SPATA16: variants seen among roughly 807,000 people sequenced by gnomAD.
SPATA16 encodes the protein spermatogenesis-associated protein 16.
SPATA16 carries 36 observed loss-of-function variants against 63.3 expected under a neutral mutation model. That is an observed-to-expected ratio of 0.57 (90% CI 0.44 to 0.75). The LOEUF (loss-of-function observed/expected upper bound fraction) is 0.75. Among genes scored for constraint, SPATA16 ranks in the 30% least tolerant of loss-of-function variants. The probability of loss-of-function intolerance (pLI) is 0.00; values close to 1 mark genes in which losing one functional copy is unlikely to be tolerated. For missense variants in SPATA16, 646 were observed against 679.3 expected, an observed-to-expected ratio of 0.95 and a Z score of 0.54; for synonymous variants, 203 against 216.7, an observed-to-expected ratio of 0.94 and a Z score of 0.56.
At chr3:172,977,118 C>T (rs1388562921) in intron 4 of SPATA16, 66 bp from the exon 5 acceptor site, 7 of 1,276,278 alleles carry the variant, frequency 5.5e-6, no homozygotes, top group Middle Eastern at 1.9e-4. Flanking sequence ...AAAACCATAA[C>T]AGGCACTATA....
chr3:173,086,884 C>G (rs1200626088), intron 2 of SPATA16, among the ~76,000 whole-genome samples: 1 of 152,092 alleles, frequency 6.6e-6, no homozygotes, highest in Admixed American at 6.6e-5. Flanking sequence ...TTTGATTGTG[C>G]TGTGGTCTAA....
chr3:172,956,797 C>G lies in SPATA16; in HGVS notation c.961G>C (p.Ala321Pro), dbSNP rs1733607760. ...QAMIEEAITRAESFSVMYTPF... is the reference protein window; with the variant it reads ...QAMIEEAITRPESFSVMYTPF... ...GTGTACATAACCGAGAAAGATTCAG[C>G]TCTGGTGATGGCTTCCTCAATCATG... Residue 321 changes from alanine (A) to proline (P), a missense_variant, in exon 6 of 11, where the codon GCT becomes CCT. Transcript: ENST00000351008. 1 of 1,613,148 alleles carries G rather than the reference C, an allele frequency of 6.2e-7. No individual in the cohort carries two copies.
intron 4 of SPATA16, among the ~76,000 whole-genome samples, chr3:172,978,173 A>G (rs978969871): frequency 9.2e-5 from 14 of 151,762 alleles, no homozygotes; most frequent in African/African-American, 3.4e-4. Flanking sequence ...ATATATATAT[A>G]TAAACACAGG....
At chr3:173,134,246 A>G (rs1036187887) in intron 1 of SPATA16, among the ~76,000 whole-genome samples, 1 of 152,156 alleles carries the variant, frequency 6.6e-6, no homozygotes, top group African/African-American at 2.4e-5. Context: ...GTCCCCTAAA[A>G]GTTCATGTGT....
At chr3:173,139,755 G>T (rs1037174600) in intron 1 of SPATA16, among the ~76,000 whole-genome samples, 3 of 152,196 alleles carry the variant, frequency 2.0e-5, no homozygotes, top group Non-Finnish European at 4.4e-5. Context: ...GGATACTGAG[G>T]TGGGCATATC....
At chr3:172,890,717 CAT>C (rs1560058017) in intron 10 of SPATA16, among the ~76,000 whole-genome samples, 1 of 148,254 alleles carries the variant, frequency 6.7e-6, no homozygotes, top group Non-Finnish European at 1.5e-5. Flanking sequence ...GCTTAGGTCT[CAT>C]ATCATACCAG....
intron 2 of SPATA16, among the ~76,000 whole-genome samples, chr3:173,100,522 G>A (rs931078747): frequency 3.3e-5 from 5 of 151,876 alleles, no homozygotes; most frequent in South Asian, 2.1e-4. Context: ...ACTTTTCATC[G>A]TTCTGCTTGG....
intron 9 of SPATA16, among the ~76,000 whole-genome samples, chr3:172,915,401 G>A (rs1447922815): frequency 6.6e-6 from 1 of 152,026 alleles, no homozygotes; most frequent in Non-Finnish European, 1.5e-5. Context: ...GCTCAAAGGG[G>A]GAGGGTTTCT....
chr3:173,063,440 C>T (rs567596798), intron 2 of SPATA16, among the ~76,000 whole-genome samples: 15 of 152,182 alleles, frequency 9.9e-5, no homozygotes, highest in African/African-American at 3.1e-4. Context: ...AAAAGGGGCA[C>T]GGTTCTTATC....
rs371771511 is a variant in SPATA16, at chr3:172,917,563, C to T, written c.1339-1082G>A. 2.0e-5 allele frequency among the ~76,000 whole-genome samples: 3 copies of T among 152,316 alleles called. No homozygotes were observed. In the East Asian group the frequency reaches 5.8e-4, roughly 29 times the overall value. On this transcript the variant is annotated intron_variant, in intron 8 of 10. Coordinates refer to ENST00000351008, the MANE Select transcript of SPATA16 (RefSeq NM_031955.6). ...AGCAAACTGAATATTGGGCTTCACC[C>T]AATCACAATCTCTTGTTATGTGGCC...
chr3:172,890,693 CA>C (rs1443477225), intron 10 of SPATA16, among the ~76,000 whole-genome samples: 2 of 149,594 alleles, frequency 1.3e-5, no homozygotes, highest in Non-Finnish European at 3.0e-5. Context: ...TGGTAGCACT[CA>C]TCCATATGTT....
chr3:172,942,934 T>C (rs1733190326), intron 6 of SPATA16, among the ~76,000 whole-genome samples: 1 of 152,168 alleles, frequency 6.6e-6, no homozygotes, highest in South Asian at 2.1e-4. Flanking sequence ...AAGTAAGTCA[T>C]GGCTCAAAGA....
intron 10 of SPATA16, among the ~76,000 whole-genome samples, chr3:172,895,955 C>A (rs1732000120): frequency 6.6e-6 from 1 of 151,528 alleles, no homozygotes; most frequent in African/African-American, 2.4e-5. Flanking sequence ...CCCAGGAGGG[C>A]AATTTCTAGG....
At chr3:172,898,964 A>C (rs190023508) in intron 10 of SPATA16, among the ~76,000 whole-genome samples, 1 of 151,820 alleles carries the variant, frequency 6.6e-6, no homozygotes, top group African/African-American at 2.4e-5. Context: ...TTTTTGATCC[A>C]TGAACTATCC....
chr3:173,113,581 T>A (rs2108333604), intron 2 of SPATA16, among the ~76,000 whole-genome samples: 1 of 152,316 alleles, frequency 6.6e-6, no homozygotes, highest in South Asian at 2.1e-4. Context: ...TCATTGCATA[T>A]CATTTGACCT....
chr3:173,033,124 G>A (rs754242829), intron 3 of SPATA16, among the ~76,000 whole-genome samples: 6 of 152,100 alleles, frequency 3.9e-5, no homozygotes, highest in Non-Finnish European at 7.4e-5. Flanking sequence ...TAATATCAGC[G>A]TAGAGATAGA....
At chr3:172,934,486 A>C (rs1285236786) in intron 6 of SPATA16, among the ~76,000 whole-genome samples, 1 of 152,178 alleles carries the variant, frequency 6.6e-6, no homozygotes, top group Non-Finnish European at 1.5e-5. Flanking sequence ...CGAATATGTC[A>C]TTCACAATGT....
chr3:173,056,197 A>T (rs1736217164), intron 2 of SPATA16, among the ~76,000 whole-genome samples: 1 of 152,174 alleles, frequency 6.6e-6, no homozygotes, highest in Admixed American at 6.5e-5. Flanking sequence ...TTGTTTTAGG[A>T]TGTTTGCTAT....
At chr3:173,099,444 G>A (rs1023731166) in intron 2 of SPATA16, among the ~76,000 whole-genome samples, 31 of 152,064 alleles carry the variant, frequency 2.0e-4, no homozygotes, top group African/African-American at 7.0e-4. Flanking sequence ...ATAGAATTTG[G>A]TACTATCCAC....
Sources: allele counts gnomAD v4.1 joint callset (sites outside exome capture counted in the v4.1 genomes callset), GRCh38; gene constraint gnomAD v4.1.1; transcripts MANE v1.5; gene names NCBI Gene and HGNC (gene_info 2026-07-23, HGNC 2026-07-21).